Variants in ERBB4 observed in about 807,000 individuals in gnomAD.
The protein encoded by ERBB4 is erb-b2 receptor tyrosine kinase 4.
A neutral mutation model predicts 158.0 loss-of-function variants in ERBB4; 42 were observed. That is an observed-to-expected ratio of 0.27 (90% CI 0.21 to 0.34). The LOEUF (loss-of-function observed/expected upper bound fraction) is 0.34. ERBB4 is among the 10% of genes least tolerant of loss of function. The probability of loss-of-function intolerance (pLI) is 1.00; values close to 1 mark genes in which losing one functional copy is unlikely to be tolerated. For missense variants in ERBB4, 1,333 were observed against 1,624.1 expected, an observed-to-expected ratio of 0.82 and a Z score of 3.08; for synonymous variants, 583 against 558.7, an observed-to-expected ratio of 1.04 and a Z score of -0.61.
intron 3 of ERBB4, among the ~76,000 whole-genome samples, chr2:211,903,894 G>A (rs1199484454): frequency 2.0e-5 from 3 of 151,854 alleles, no homozygotes; most frequent in Non-Finnish European, 4.4e-5. Flanking sequence ...ATATATCCTA[G>A]GGACATATTC....
At chr2:211,644,752 T>C (rs2070723969) in intron 16 of ERBB4, among the ~76,000 whole-genome samples, 1 of 152,016 alleles carries the variant, frequency 6.6e-6, no homozygotes, top group African/African-American at 2.4e-5. Flanking sequence ...GTTTTGTAAA[T>C]GGTCATAAGA....
At chr2:211,734,249 G>A (rs2074527617) in intron 5 of ERBB4, among the ~76,000 whole-genome samples, 1 of 152,062 alleles carries the variant, frequency 6.6e-6, no homozygotes, top group South Asian at 2.1e-4. Context: ...ACTTGTTTAT[G>A]AGCAAATCTA....
intron 1 of ERBB4, among the ~76,000 whole-genome samples, chr2:212,152,098 TA>T (rs2080891486): frequency 2.0e-5 from 3 of 152,178 alleles, no homozygotes; most frequent in African/African-American, 7.2e-5. Context: ...TAATAGATCA[TA>T]AGGCTCTATT....
At chr2:211,414,459 G>A (rs1195198720) in intron 25 of ERBB4, among the ~76,000 whole-genome samples, 1 of 146,168 alleles carries the variant, frequency 6.8e-6, no homozygotes, top group African/African-American at 2.6e-5. Flanking sequence ...TTGCGTCACT[G>A]CACTCCAGCC....
At chr2:211,675,583 T>C (rs1049851923) in intron 13 of ERBB4, among the ~76,000 whole-genome samples, 2 of 151,766 alleles carry the variant, frequency 1.3e-5, no homozygotes, top group Non-Finnish European at 2.9e-5. Context: ...CAGTTACCTA[T>C]CTTTTTCATT....
chr2:211,637,882 A>G (rs1241096595), intron 16 of ERBB4, among the ~76,000 whole-genome samples: 1 of 151,986 alleles, frequency 6.6e-6, no homozygotes, highest in Non-Finnish European at 1.5e-5. Flanking sequence ...ATATATTTAC[A>G]CAAATATCAT....
At chr2:211,716,362 C>CAAAAAAAAAAAAAAAAAA (rs534486221) in intron 7 of ERBB4, among the ~76,000 whole-genome samples, 1 of 69,290 alleles carries the variant, frequency 1.4e-5, no homozygotes, top group African/African-American at 8.7e-5. Context: ...AACTCTGTCT[C>CAAAAAAAAAAAAAAAAAA]AAAAAAAAAA....
intron 3 of ERBB4, among the ~76,000 whole-genome samples, chr2:211,946,803 T>A (rs1321364809): frequency 5.9e-5 from 9 of 151,868 alleles, no homozygotes; most frequent in Non-Finnish European, 1.3e-4. Context: ...AGAACCAGCT[T>A]ACAAAATAAA....
Position 211,708,024 on chromosome 2 carries a change from T to C in ERBB4, c.1125-2633A>G, listed in dbSNP as rs139361332. Among the ~76,000 whole-genome samples the C allele has an allele frequency of 6.0e-3, 914 of 152,268 alleles. 10 individuals are homozygous for C. The highest frequency in any genetic ancestry group is 0.021 in the African/African-American group (856 of 41,568). On this transcript the variant is annotated intron_variant, in intron 9 of 27. Transcript: ENST00000342788. Reference sequence around the variant, plus strand: ...AATGGAAATTGAGGTAAAACATTTCTTTAATTCACTGTAAGTTTTCTGCTT... The same window carrying C: ...AATGGAAATTGAGGTAAAACATTTCCTTAATTCACTGTAAGTTTTCTGCTT...
chr2:212,206,589 CTT>C (rs5838309), intron 1 of ERBB4, among the ~76,000 whole-genome samples: 6 of 116,442 alleles, frequency 5.2e-5, no homozygotes, highest in East Asian at 2.0e-4. Flanking sequence ...CTGTTCTGTT[CTT>C]TTTTTTTTTT....
intron 19 of ERBB4, among the ~76,000 whole-genome samples, chr2:211,611,918 A>T (rs1320117058): frequency 6.6e-6 from 1 of 152,136 alleles, no homozygotes; most frequent in Non-Finnish European, 1.5e-5. Context: ...AACTAAGGAA[A>T]GTTATTGGCC....
At chr2:211,742,537 T>C (rs1427516803) in intron 5 of ERBB4, among the ~76,000 whole-genome samples, 7 of 152,140 alleles carry the variant, frequency 4.6e-5, no homozygotes, top group Non-Finnish European at 8.8e-5. Context: ...AGGACATGTA[T>C]ATATGTATGA....
rs1212782681 is a variant in ERBB4 at position 211,890,585 on chromosome 2, T to G, written c.421+56845A>C. The stretch of plus-strand genomic sequence containing the variant: ...AACTTTAAATGTAAATGGACTAAAT[T>G]CTCCAATTAAAAGACACAGACTGGC... On this transcript the variant is annotated intron_variant, in intron 3 of 27. Transcript: ENST00000342788. Among the ~76,000 whole-genome samples, 108 of 145,440 alleles carry G rather than the reference T, an allele frequency of 7.4e-4. 1 individual carries two copies. Among genetic ancestry groups the G allele is most frequent in the Admixed American group, 8.2e-4 (12 of 14,628 alleles).
At chr2:211,717,750 C>T (rs2073967125) in intron 7 of ERBB4, among the ~76,000 whole-genome samples, 1 of 152,046 alleles carries the variant, frequency 6.6e-6, no homozygotes, top group Admixed American at 6.5e-5. Context: ...TCGCTTGAAC[C>T]CGGGAGGCGG....
At chr2:212,316,154 T>A (rs1020341055) in intron 1 of ERBB4, among the ~76,000 whole-genome samples, 9 of 151,496 alleles carry the variant, frequency 5.9e-5, no homozygotes, top group African/African-American at 2.2e-4. Context: ...TTTTTTCCTA[T>A]GTATCTTTTA....
chr2:211,770,529 T>A (rs1315315826), intron 4 of ERBB4, among the ~76,000 whole-genome samples: 1 of 152,190 alleles, frequency 6.6e-6, no homozygotes, highest in African/African-American at 2.4e-5. Context: ...TATAGCATGA[T>A]ATATTTTTTC....
intron 25 of ERBB4, among the ~76,000 whole-genome samples, chr2:211,402,896 A>G (rs1347245398): frequency 1.3e-5 from 2 of 152,004 alleles, no homozygotes. Context: ...TTAATTCCTG[A>G]CAGCCGTTCC....
chr2:212,238,517 T>C (rs2083963994), intron 1 of ERBB4, among the ~76,000 whole-genome samples: 1 of 152,188 alleles, frequency 6.6e-6, no homozygotes, highest in Non-Finnish European at 1.5e-5. Flanking sequence ...GAGCTGTTCT[T>C]ATGCAGCCAT....
intron 8 of ERBB4, among the ~76,000 whole-genome samples, chr2:211,712,712 T>C (rs565614681): frequency 1.3e-5 from 2 of 152,210 alleles, no homozygotes; most frequent in African/African-American, 2.4e-5. Context: ...TATTTATGCT[T>C]AAATTGAACA....
Sources: gnomAD v4.1 joint callset for allele counts (sites outside exome capture counted in the v4.1 genomes callset) on GRCh38, gnomAD v4.1.1 for gene constraint, MANE v1.5 for transcripts, NCBI Gene and HGNC (gene_info 2026-07-23, HGNC 2026-07-21) for gene names.